PIK3C2G: variants seen among roughly 807,000 people sequenced by gnomAD.
PIK3C2G encodes the protein phosphatidylinositol-4-phosphate 3-kinase catalytic subunit type 2 gamma, also known as phosphatidylinositol 3-kinase C2 domain-containing subunit gamma.
A neutral mutation model predicts 181.1 loss-of-function variants in PIK3C2G; 168 were observed. The observed-to-expected ratio is 0.93, with a 90% CI of 0.82 to 1.05. The LOEUF is 1.05. PIK3C2G is among the 50% of genes least tolerant of loss of function. The pLI, the probability that PIK3C2G is intolerant of heterozygous loss-of-function variation, is 0.00. For synonymous variants in PIK3C2G, 573 were observed against 592.2 expected, an observed-to-expected ratio of 0.97 and a Z score of 0.47; for missense variants, 1,869 against 1,732.8, an observed-to-expected ratio of 1.08 and a Z score of -1.40.
chr12:18,683,500 A>C, the PIK3C2G span: 1 of 1,492,548 alleles, frequency 6.7e-7, no homozygotes, highest in East Asian at 2.5e-5. Context: ...TGCATTTTCT[A>C]TTCTGACTTC....
At chr12:18,522,847 C>G (rs1943006292) in intron 24 of PIK3C2G, among the ~76,000 whole-genome samples, 2 of 125,738 alleles carry the variant, frequency 1.6e-5, no homozygotes, top group African/African-American at 5.2e-5. Context: ...TCTCTCTCCT[C>G]TCCTTTAGGA....
rs927609768 is a variant in PIK3C2G at position 18,386,043 on chromosome 12, T to C, written c.1995+4163T>C. ...CCCATAACTGAACTCCCTCCTCTTC[T>C]TCAAAGAGACTGAACTTTCTCCCTC... is the stretch of plus-strand genomic sequence containing the variant. On this transcript the variant is annotated intron_variant, in intron 14 of 32. Coordinates refer to ENST00000538779, the MANE Select transcript of PIK3C2G (RefSeq NM_001288772.2). Among the ~76,000 whole-genome samples the C allele has an allele frequency of 1.2e-4, 19 of 152,036 alleles. 1 individual carries two copies. The highest frequency in any genetic ancestry group is 6.3e-3 in the Middle Eastern group (2 of 316).
At chr12:18,548,104 C>T (rs533492985) in intron 26 of PIK3C2G, among the ~76,000 whole-genome samples, 4 of 151,890 alleles carry the variant, frequency 2.6e-5, no homozygotes, top group Non-Finnish European at 4.4e-5. Flanking sequence ...GGTGGGTTTA[C>T]GTGGTAGCAA....
At chr12:18,375,299 A>G (rs942642008) in intron 13 of PIK3C2G, among the ~76,000 whole-genome samples, 2 of 152,176 alleles carry the variant, frequency 1.3e-5, no homozygotes, top group African/African-American at 4.8e-5. Context: ...AGCAAAGGTC[A>G]CTCTTGTTAT....
At chr12:18,551,642 A>G (rs1237964059) in intron 26 of PIK3C2G, among the ~76,000 whole-genome samples, 1 of 152,092 alleles carries the variant, frequency 6.6e-6, no homozygotes, top group Non-Finnish European at 1.5e-5. Flanking sequence ...ACAAAACCCA[A>G]AACAAAACAA....
At chr12:18,569,329 C>A (rs1945803870) in intron 29 of PIK3C2G, among the ~76,000 whole-genome samples, 1 of 149,260 alleles carries the variant, frequency 6.7e-6, no homozygotes, top group Admixed American at 6.6e-5. Context: ...CCCCAACCAC[C>A]AAATGATCAC....
intron 29 of PIK3C2G, among the ~76,000 whole-genome samples, chr12:18,590,531 C>T (rs1947023491): frequency 1.3e-5 from 2 of 151,840 alleles, no homozygotes; most frequent in Non-Finnish European, 2.9e-5. Context: ...ACCTACACTA[C>T]TAAATGTGGC....
chr12:18,410,698 G>A (rs1182826581), intron 16 of PIK3C2G, among the ~76,000 whole-genome samples: 1 of 151,774 alleles, frequency 6.6e-6, no homozygotes, highest in Admixed American at 6.6e-5. Context: ...TAGAGAGAGG[G>A]AACATAAGGC....
chr12:18,624,556 A>T (rs1405922521), intron 31 of PIK3C2G, among the ~76,000 whole-genome samples: 1 of 151,616 alleles, frequency 6.6e-6, no homozygotes, highest in African/African-American at 2.4e-5. Flanking sequence ...TCTTGTAAAA[A>T]GAGTTTGGAA....
intron 5 of PIK3C2G, among the ~76,000 whole-genome samples, chr12:18,304,399 T>C (rs1043075473): frequency 2.6e-5 from 4 of 152,016 alleles, no homozygotes; most frequent in African/African-American, 9.7e-5. Context: ...TGGGACAACA[T>C]GTGCATGCCA....
the PIK3C2G span, among the ~76,000 whole-genome samples, chr12:18,703,181 A>G: frequency 6.6e-6 from 1 of 152,092 alleles, no homozygotes; most frequent in Non-Finnish European, 1.5e-5. Flanking sequence ...ATTCTTTACT[A>G]TTTCTTTCCA....
At chr12:18,313,372 C>T (rs1331623572) in intron 5 of PIK3C2G, among the ~76,000 whole-genome samples, 1 of 152,012 alleles carries the variant, frequency 6.6e-6, no homozygotes, top group African/African-American at 2.4e-5. Flanking sequence ...TGCTTGCTAA[C>T]CCTTTGATGT....
At chr12:18,331,551 G>A (rs1026474643) in intron 8 of PIK3C2G, among the ~76,000 whole-genome samples, 3 of 152,062 alleles carry the variant, frequency 2.0e-5, no homozygotes, top group African/African-American at 7.2e-5. Flanking sequence ...ATATCTAAGA[G>A]TTATTTTTTG....
chr12:18,374,514 AGTTG>A (rs1337355830), intron 13 of PIK3C2G, among the ~76,000 whole-genome samples: 1 of 152,206 alleles, frequency 6.6e-6, no homozygotes, highest in Admixed American at 6.5e-5. Flanking sequence ...AAAAACCGGC[AGTTG>A]GTTACCAGGC....
intron 1 of PIK3C2G, among the ~76,000 whole-genome samples, chr12:18,273,489 G>C (rs537625627): frequency 6.6e-6 from 1 of 152,200 alleles, no homozygotes; most frequent in African/African-American, 2.4e-5. Flanking sequence ...CTTTAAAGTA[G>C]TTTTTTCCAA....
chr12:18,565,649 A>G (rs901081126), intron 28 of PIK3C2G, among the ~76,000 whole-genome samples: 1 of 152,206 alleles, frequency 6.6e-6, no homozygotes, highest in South Asian at 2.1e-4. Flanking sequence ...GTAATTTTCA[A>G]TAACTGCTGT....
At chr12:18,539,200 T>G (rs1944021096) in intron 25 of PIK3C2G, among the ~76,000 whole-genome samples, 2 of 151,948 alleles carry the variant, frequency 1.3e-5, no homozygotes, top group African/African-American at 4.8e-5. Flanking sequence ...GGCTACATTC[T>G]TCAGGACATG....
intron 24 of PIK3C2G, among the ~76,000 whole-genome samples, chr12:18,527,502 G>C (rs1943303609): frequency 6.6e-6 from 1 of 152,042 alleles, no homozygotes; most frequent in Non-Finnish European, 1.5e-5. Context: ...CCTTCAACCT[G>C]ATTTTAGAAA....
At chr12:18,475,373 A>AACACAC (rs57853875) in intron 18 of PIK3C2G, among the ~76,000 whole-genome samples, 26,218 of 139,732 alleles carry the variant, frequency 0.19, 2,632 homozygotes, top group Non-Finnish European at 0.2. Context: ...CCACCACCCC[A>AACACAC]ACACACACAC....
Sources: allele counts gnomAD v4.1 joint callset (sites outside exome capture counted in the v4.1 genomes callset), GRCh38; gene constraint gnomAD v4.1.1; transcripts MANE v1.5; gene names NCBI Gene and HGNC (gene_info 2026-07-23, HGNC 2026-07-21).